FRY: variants seen among roughly 807,000 people sequenced by gnomAD.
FRY encodes protein furry homolog.
A neutral mutation model predicts 348.4 loss-of-function variants in FRY; 128 were observed. The ratio of observed to expected loss-of-function variants is 0.37; its 90% CI spans 0.32 to 0.43. The LOEUF (loss-of-function observed/expected upper bound fraction) is 0.43. Ranked by LOEUF, FRY falls within the 20% of genes least tolerant of loss-of-function variation. The pLI is 1.00. For synonymous variants in FRY, 1,370 were observed against 1,374.7 expected, an observed-to-expected ratio of 1.00 and a Z score of 0.08; for missense variants, 2,736 against 3,695.2, an observed-to-expected ratio of 0.74 and a Z score of 6.73.
chr13:32,235,641 C>A (rs1031028054), intron 42 of FRY, among the ~76,000 whole-genome samples: 2 of 152,100 alleles, frequency 1.3e-5, no homozygotes, highest in African/African-American at 4.8e-5. Context: ...AAGAAATGTT[C>A]CTGCATCTGA....
intron 36 of FRY, among the ~76,000 whole-genome samples, chr13:32,220,982 T>C (rs1340869601): frequency 6.6e-6 from 1 of 152,188 alleles, no homozygotes; most frequent in African/African-American, 2.4e-5. Flanking sequence ...CAGGCTAAAA[T>C]TGTTGTGGCC....
intron 28 of FRY, among the ~76,000 whole-genome samples, chr13:32,189,371 C>T (rs558764366): frequency 6.6e-6 from 1 of 152,078 alleles, no homozygotes; most frequent in African/African-American, 2.4e-5. Flanking sequence ...TCATAATATA[C>T]ATTTTCCATG....
intron 7 of FRY, among the ~76,000 whole-genome samples, chr13:32,129,231 A>C (rs1245582740): frequency 6.6e-6 from 1 of 152,200 alleles, no homozygotes; most frequent in African/African-American, 2.4e-5. Flanking sequence ...CTTTGTTTTA[A>C]GTTAATTACC....
At chr13:32,123,916 C>T (rs909382432) in intron 4 of FRY, among the ~76,000 whole-genome samples, 4 of 152,114 alleles carry the variant, frequency 2.6e-5, no homozygotes, top group Non-Finnish European at 5.9e-5. Flanking sequence ...CTGCAACCTC[C>T]GTCCGCCTCC....
intron 51 of FRY, among the ~76,000 whole-genome samples, chr13:32,255,014 G>A (rs1296276666): frequency 6.6e-6 from 1 of 152,126 alleles, no homozygotes; most frequent in Non-Finnish European, 1.5e-5. Flanking sequence ...TGATAATCAT[G>A]GTAATAAGAT....
At chr13:32,171,299 ATATTC>A in intron 18 of FRY, 29 bp downstream of exon 18, 3 of 638,178 alleles carry the variant, frequency 4.7e-6, no homozygotes, top group Non-Finnish European at 7.7e-6. Flanking sequence ...CCATGAATTT[ATATTC>A]TTTTTTTTTT....
chr13:32,265,592 C>T lies in FRY; in HGVS notation c.7922C>T (p.Ala2641Val), dbSNP rs756892180. The change falls in exon 54 of 61, where the codon GCA becomes GTA. Residue 2641 changes from alanine (A) to valine (V), a missense_variant. Physicochemically the swap from Ala to Val is moderately conservative, Grantham distance 64 (BLOSUM62 0). Coordinates refer to ENST00000542859, the MANE Select transcript of FRY (RefSeq NM_023037.3). The part of the protein sequence containing the change: ...MTEGEEKGNR[A>V]LDQFTLASFG... ...GAGGGGGAAGAAAAAGGCAATCGGGCACTGGACCAGTTTACCCTGGCGAGG... is the reference window on the plus strand; with the variant it reads ...GAGGGGGAAGAAAAAGGCAATCGGGTACTGGACCAGTTTACCCTGGCGAGG... 4.3e-6 allele frequency: 7 copies of T among 1,614,134 alleles called. No homozygotes were observed. Among genetic ancestry groups the T allele is most frequent in the Middle Eastern group, 1.7e-4 (1 of 6,060 alleles).
chr13:32,277,967 G>A (rs1261108662), intron 57 of FRY, among the ~76,000 whole-genome samples: 3 of 152,218 alleles, frequency 2.0e-5, no homozygotes, highest in Admixed American at 2.0e-4. Flanking sequence ...AAGACTAGCA[G>A]GATCTCTCAG....
chr13:32,274,631 G>C (rs1186948070), intron 55 of FRY, among the ~76,000 whole-genome samples: 2 of 150,032 alleles, frequency 1.3e-5, no homozygotes, highest in Non-Finnish European at 3.0e-5. Context: ...GTGAACCTGG[G>C]AGGGGGAGCT....
chr13:32,046,953 A>G (rs1402907856), intron 1 of FRY, among the ~76,000 whole-genome samples: 1 of 152,256 alleles, frequency 6.6e-6, no homozygotes, highest in Non-Finnish European at 1.5e-5. Flanking sequence ...TGTCTCAGCC[A>G]TATACTTGCT....
intron 1 of FRY, among the ~76,000 whole-genome samples, chr13:32,050,949 A>G (rs541303549): frequency 6.6e-6 from 1 of 152,340 alleles, no homozygotes; most frequent in East Asian, 1.9e-4. Context: ...TATATCCACC[A>G]CATACGCATT....
chr13:32,194,194 G>C lies in FRY; in HGVS notation c.3643G>C (p.Asp1215His). 1 of 1,613,994 alleles carries C rather than the reference G, an allele frequency of 6.2e-7. No homozygotes were observed. The highest frequency in any genetic ancestry group is 8.5e-7 in the Non-Finnish European group (1 of 1,179,902). The change falls in exon 29 of 61, where the codon GAC becomes CAC. Residue 1215 changes from aspartate to histidine, a missense_variant. By Grantham distance (81) the Asp-to-His change is moderately conservative. Coordinates refer to ENST00000542859, the MANE Select transcript of FRY (RefSeq NM_023037.3). The stretch of plus-strand genomic sequence containing the variant: ...TGTCTTGCTACTGGAACTTAATCCT[G>C]ACCAAATAAATCTTTTTAACTGGGC... The part of the protein sequence containing the change: ...VVVLLLELNP[D>H]QINLFNWAID...
intron 41 of FRY, 86 bp from the exon 42 acceptor site, chr13:32,234,488 A>G: frequency 8.8e-7 from 1 of 1,134,670 alleles, no homozygotes; most frequent in Non-Finnish European, 1.3e-6. Context: ...CTGTGCCGTT[A>G]GCCTGTTTTA....
At position 32,212,378 on chromosome 13, in the gene FRY, GA is replaced by G; in HGVS notation, c.4681del (p.Arg1561GlyfsTer40). On this transcript the variant is annotated frameshift_variant, in exon 35 of 61. Coordinates refer to ENST00000542859, the MANE Select transcript of FRY (RefSeq NM_023037.3). LOFTEE classifies it high-confidence loss of function. Reference protein sequence around the residue: ...EENKILKESDERFSNVIRAHT... With the variant: ...EENKILKESDXRFSNVIRAHT... ...GAACAAGATATTGAAAGAATCTGAT[GA>G]AAGGTTGGTACACAAATTTGACTTA... 1 of 1,587,476 alleles carries G rather than the reference GA, an allele frequency of 6.3e-7. No individual in the cohort carries two copies. Among genetic ancestry groups the G allele is most frequent in the Non-Finnish European group, 8.6e-7 (1 of 1,158,432 alleles).
At chr13:32,051,886 A>G (rs892615799) in intron 1 of FRY, among the ~76,000 whole-genome samples, 1 of 152,262 alleles carries the variant, frequency 6.6e-6, no homozygotes, top group Non-Finnish European at 1.5e-5. Context: ...ATCAATCATA[A>G]CATGGATGAT....
chr13:32,282,062 C>T (rs1343112826), intron 58 of FRY, among the ~76,000 whole-genome samples: 1 of 152,120 alleles, frequency 6.6e-6, no homozygotes, highest in Non-Finnish European at 1.5e-5. Flanking sequence ...AAAAGGTAGG[C>T]CTTGAGGAGG....
intron 10 of FRY, among the ~76,000 whole-genome samples, chr13:32,135,823 A>G (rs982010677): frequency 1.3e-5 from 2 of 152,184 alleles, no homozygotes; most frequent in African/African-American, 4.8e-5. Context: ...GGTTACTGGC[A>G]TGGTTTATGC....
At chr13:32,256,010 A>G (rs1384972645) in intron 51 of FRY, among the ~76,000 whole-genome samples, 1 of 152,228 alleles carries the variant, frequency 6.6e-6, no homozygotes, top group Non-Finnish European at 1.5e-5. Context: ...AATGATGTAA[A>G]GCGAAGTAAT....
At chr13:32,076,626 G>C (rs1235945615) in intron 1 of FRY, among the ~76,000 whole-genome samples, 1 of 152,172 alleles carries the variant, frequency 6.6e-6, no homozygotes, top group Non-Finnish European at 1.5e-5. Context: ...AAAAGACTCT[G>C]ACATATTGCA....
Sources: allele counts gnomAD v4.1 joint callset (sites outside exome capture counted in the v4.1 genomes callset), GRCh38; gene constraint gnomAD v4.1.1; transcripts MANE v1.5; gene names NCBI Gene and HGNC (gene_info 2026-07-23, HGNC 2026-07-21).